BANP: variants seen among roughly 807,000 people sequenced by gnomAD.
The protein encoded by BANP is protein BANP.
Under a neutral mutation model 68.1 loss-of-function variants are expected in BANP, and 11 were observed. That is an observed-to-expected ratio of 0.16 (90% CI 0.10 to 0.27). The LOEUF (loss-of-function observed/expected upper bound fraction) is 0.27, where lower values mean the gene tolerates loss of function less well. Among genes scored for constraint, BANP ranks in the 10% least tolerant of loss-of-function variants. The pLI, the probability that BANP is intolerant of heterozygous loss-of-function variation, is 1.00. For synonymous variants in BANP, 329 were observed against 303.2 expected (o/e 1.09, Z -0.88); for missense variants, 504 against 722.7 (o/e 0.70, Z 3.47).
chr16:88,037,750 G>T, intron 10 of BANP: 1 of 591,206 alleles, frequency 1.7e-6, no homozygotes, highest in Admixed American at 3.0e-5. Context: ...TGAGTACAAT[G>T]CTTTTTGAGT....
At chr16:88,034,040 A>G (rs1402255024) in intron 9 of BANP, among the ~76,000 whole-genome samples, 3 of 152,140 alleles carry the variant, frequency 2.0e-5, no homozygotes, top group Non-Finnish European at 4.4e-5. Context: ...CCGTGTCACC[A>G]GGGCTTTCTC....
chr16:88,006,315 T>C, intron 6 of BANP, 50 bp downstream of exon 6: 2 of 1,526,536 alleles, frequency 1.3e-6, no homozygotes, highest in Non-Finnish European at 1.8e-6. Flanking sequence ...CAATTGTTTG[T>C]TTGTTTTGCC....
Position 88,039,303 on chromosome 16 carries a change from C to G in BANP, c.1311+1292C>G, listed in dbSNP as rs867220431. The stretch of plus-strand genomic sequence containing the variant: ...CCACAGTTGTGGCTTTGTGCTCACT[C>G]CACTGGGGTAATGAGGCTGCGGTCG... On this transcript the variant is annotated intron_variant, in intron 11 of 13. Coordinates refer to ENST00000682872, the MANE Select transcript of BANP (RefSeq NM_001386991.1). Among the ~76,000 whole-genome samples, 54 of 146,354 alleles carry G rather than the reference C, an allele frequency of 3.7e-4. 2 individuals are homozygous for G. The highest frequency in any genetic ancestry group is 6.8e-3 in the Middle Eastern group (2 of 292).
At chr16:88,044,711 C>T (rs992194320) in intron 11 of BANP, among the ~76,000 whole-genome samples, 11 of 152,186 alleles carry the variant, frequency 7.2e-5, no homozygotes, top group African/African-American at 1.9e-4. Flanking sequence ...AGGCTGGGCA[C>T]GGTGGCTCAC....
At chr16:87,954,892 C>T (rs1196876025) in intron 1 of BANP, among the ~76,000 whole-genome samples, 2 of 152,260 alleles carry the variant, frequency 1.3e-5, no homozygotes, top group Non-Finnish European at 2.9e-5. Flanking sequence ...TTCACTCCAC[C>T]TTCCTGCTTC....
chr16:88,019,598 GATCTCAGCGTGC>G (rs2075495271), intron 7 of BANP, among the ~76,000 whole-genome samples: 2 of 41,830 alleles, frequency 4.8e-5, no homozygotes, highest in African/African-American at 3.2e-4. Context: ...CGGCGTGCGG[GATCTCAGCGTGC>G]GGGGGGCGTC....
chr16:87,961,413 C>CCCCCCG (rs1555533490), intron 1 of BANP, among the ~76,000 whole-genome samples: 1 of 144,642 alleles, frequency 6.9e-6, no homozygotes, highest in Non-Finnish European at 1.6e-5. Context: ...ATCTGCACCC[C>CCCCCCG]CCCGGGCCTC....
chr16:88,063,524 A>G (rs2087523745), intron 11 of BANP, among the ~76,000 whole-genome samples: 1 of 152,220 alleles, frequency 6.6e-6, no homozygotes, highest in African/African-American at 2.4e-5. Flanking sequence ...CTGTGGGGTG[A>G]CCGCTGGTCA....
chr16:88,017,449 C>G (rs1424806737), intron 6 of BANP: 1 of 152,272 alleles, frequency 6.6e-6, no homozygotes, highest in African/African-American at 2.4e-5. Flanking sequence ...GAGCTTTCTT[C>G]CATCACACGG....
At chr16:88,013,400 G>C (rs1181685991) in intron 6 of BANP, among the ~76,000 whole-genome samples, 1 of 152,086 alleles carries the variant, frequency 6.6e-6, no homozygotes, top group South Asian at 2.1e-4. Flanking sequence ...CTAGTTCCTA[G>C]ACCGCTGCCC....
rs760538647 is a variant in BANP, at chr16:88,076,696, T to TCCGCCTACGGCCCGGCC, written c.*38_*54dup. The TCCGCCTACGGCCCGGCC allele has an allele frequency of 2.5e-6, 4 of 1,578,838 alleles. No homozygotes were observed. ...ATGGCACCAGGAGCCCCTCGCCGGCTCCGCCTACGGCCCGGCCCCCACGCG... is the reference window on the plus strand; with the variant it reads ...ATGGCACCAGGAGCCCCTCGCCGGCTCCGCCTACGGCCCGGCCCCGCCTACGGCCCGGCCCCCACGCG... On this transcript the variant is annotated 3_prime_UTR_variant, in exon 14 of 14. Coordinates refer to ENST00000682872, the MANE Select transcript of BANP (RefSeq NM_001386991.1).
Position 88,070,055 on chromosome 16 carries a change from T to TTC in BANP, c.1378-2014_1378-2013insTC, listed in dbSNP as rs558587722. ...TAAAGATCCACTTCCGCTTCATGAA[T>TTC]AGCAGCCATATTTCCTCTCGCCTGT... On this transcript the variant is annotated intron_variant, in intron 12 of 13. Transcript: ENST00000682872. Among the ~76,000 whole-genome samples the TTC allele has an allele frequency of 3.1e-3, 467 of 152,306 alleles. 1 individual carries two copies. Among genetic ancestry groups the TTC allele is most frequent in the African/African-American group, 0.011 (448 of 41,572 alleles).
intron 13 of BANP, among the ~76,000 whole-genome samples, chr16:88,073,211 G>A (rs1442576645): frequency 6.6e-6 from 1 of 152,242 alleles, no homozygotes. Context: ...TCGCCAGGCT[G>A]GGCGGTTCTG....
rs1432850062 is a variant in BANP at position 88,018,065 on chromosome 16, G to A, written c.656-363G>A. ...TGTGAGGGACCCCGGGGAGGGTTCCGCTCTGCAGGTGGCTGGGGCAGGTAC... is the reference window on the plus strand; with the variant it reads ...TGTGAGGGACCCCGGGGAGGGTTCCACTCTGCAGGTGGCTGGGGCAGGTAC... On this transcript the variant is annotated intron_variant, in intron 6 of 13. Coordinates refer to ENST00000682872, the MANE Select transcript of BANP (RefSeq NM_001386991.1). This position sits in a 1 kb window ranked among gnomAD's most constrained non-coding sequence, Gnocchi z 7.7. Among the ~76,000 whole-genome samples, 5 of 152,122 alleles carry A rather than the reference G, an allele frequency of 3.3e-5. No homozygotes were observed. The highest frequency in any genetic ancestry group is 7.2e-5 in the African/African-American group (3 of 41,440).
rs59251828 is a variant in BANP at position 88,004,951 on chromosome 16, A to G, written c.479+540A>G. Among the ~76,000 whole-genome samples, 47,227 of 152,046 alleles carry G rather than the reference A, an allele frequency of 0.31. 9,035 individuals carry two copies. Among genetic ancestry groups the G allele is most frequent in the African/African-American group, 0.52 (21,367 of 41,442 alleles). Reference sequence around the variant, plus strand: ...TGCAGTGGCCTCTGGCTGGCATCCAAGCCCTGCTGTCCCCAGGAGTGCCCC... The same window carrying G: ...TGCAGTGGCCTCTGGCTGGCATCCAGGCCCTGCTGTCCCCAGGAGTGCCCC... On this transcript the variant is annotated intron_variant, in intron 5 of 13. Transcript: ENST00000682872. The surrounding 1 kb of genome is among the most constrained non-coding windows in gnomAD (Gnocchi z 7.0).
intron 11 of BANP, among the ~76,000 whole-genome samples, chr16:88,052,406 G>T (rs917560495): frequency 5.3e-5 from 8 of 151,002 alleles, no homozygotes; most frequent in African/African-American, 1.9e-4. Flanking sequence ...TTGGTGACTA[G>T]GTTGAGTGCT....
chr16:87,964,844 GTGT>G (rs1258650051), intron 1 of BANP, among the ~76,000 whole-genome samples: 7 of 152,218 alleles, frequency 4.6e-5, no homozygotes, highest in African/African-American at 1.7e-4. Flanking sequence ...TGGGAAGTAG[GTGT>G]TGCCTTAAAT....
chr16:88,026,633 A>G (rs1432551886), intron 7 of BANP, among the ~76,000 whole-genome samples: 6 of 152,134 alleles, frequency 3.9e-5, no homozygotes, highest in Admixed American at 6.5e-5. Context: ...CAATACATAC[A>G]TGAATTCTCC....
At chr16:88,023,793 T>G (rs2076463295) in intron 7 of BANP, among the ~76,000 whole-genome samples, 1 of 152,222 alleles carries the variant, frequency 6.6e-6, no homozygotes, top group Non-Finnish European at 1.5e-5. Context: ...GTGGAGACTC[T>G]TTAGCTCTTT....
Sources: allele counts gnomAD v4.1 joint callset (sites outside exome capture counted in the v4.1 genomes callset), GRCh38; gene constraint gnomAD v4.1.1; non-coding constraint Gnocchi (gnomAD v3.1); transcripts MANE v1.5; gene names NCBI Gene and HGNC (gene_info 2026-07-23, HGNC 2026-07-21).